The following SLC25A33 variants were observed in gnomAD, a reference collection of about 807,000 sequenced individuals.
The protein encoded by SLC25A33 is solute carrier family 25 member 33, also known as bone marrow stromal cell mitochondrial carrier protein.
A neutral mutation model predicts 35.5 loss-of-function variants in SLC25A33; 15 were observed. The ratio of observed to expected loss-of-function variants is 0.42; its 90% CI spans 0.28 to 0.65. The LOEUF (loss-of-function observed/expected upper bound fraction) is 0.65. SLC25A33 is among the 30% of genes least tolerant of loss of function. The probability of loss-of-function intolerance (pLI) is 0.20; values close to 1 mark genes in which losing one functional copy is unlikely to be tolerated. For missense variants in SLC25A33, 257 were observed against 398.5 expected (o/e 0.64, Z 3.02); for synonymous variants, 136 against 148.7 (o/e 0.91, Z 0.62).
At chr1:9,571,726 C>T (rs894483737) in intron 4 of SLC25A33, among the ~76,000 whole-genome samples, 1 of 152,094 alleles carries the variant, frequency 6.6e-6, no homozygotes, top group African/African-American at 2.4e-5. Flanking sequence ...CAACCCCCAC[C>T]TCCTGGGCTC....
At chr1:9,563,715 T>C (rs1643458988) in intron 2 of SLC25A33, among the ~76,000 whole-genome samples, 1 of 152,200 alleles carries the variant, frequency 6.6e-6, no homozygotes, top group African/African-American at 2.4e-5. Context: ...ATTAACTTTT[T>C]TTTTTTCCTT....
intron 1 of SLC25A33, among the ~76,000 whole-genome samples, chr1:9,551,005 A>G (rs1643258704): frequency 6.6e-6 from 1 of 152,062 alleles, no homozygotes; most frequent in Non-Finnish European, 1.5e-5. Context: ...AATATTCCTT[A>G]TTATAGCCTA....
chr1:9,573,926 C>T (rs1643623924), intron 5 of SLC25A33, among the ~76,000 whole-genome samples: 1 of 152,004 alleles, frequency 6.6e-6, no homozygotes, highest in African/African-American at 2.4e-5. Flanking sequence ...CTGGTGACAC[C>T]TGCAGGCCCT....
intron 4 of SLC25A33, 90 bp from the exon 5 acceptor site, chr1:9,573,256 C>A: frequency 2.2e-6 from 2 of 891,106 alleles, no homozygotes; most frequent in Admixed American, 2.8e-5. Context: ...ATTGAAATCC[C>A]TATTTCAAAG....
At chr1:9,541,250 T>A (rs1643075880) in intron 1 of SLC25A33, among the ~76,000 whole-genome samples, 1 of 151,288 alleles carries the variant, frequency 6.6e-6, no homozygotes, top group Non-Finnish European at 1.5e-5. Context: ...GCCTCCCGGG[T>A]TCACGCCATT....
intron 4 of SLC25A33, among the ~76,000 whole-genome samples, chr1:9,572,823 T>C (rs1284648877): frequency 6.7e-6 from 1 of 149,906 alleles, no homozygotes; most frequent in East Asian, 2.0e-4. Context: ...ATCCCAGCAT[T>C]GTGGGAGGCT....
chr1:9,564,369 T>C (rs1643469705), intron 2 of SLC25A33, among the ~76,000 whole-genome samples: 1 of 152,094 alleles, frequency 6.6e-6, no homozygotes, highest in South Asian at 2.1e-4. Context: ...CCTAGTGGTT[T>C]CTCAAAAAAT....
At chr1:9,548,022 G>A (rs570785888) in intron 1 of SLC25A33, among the ~76,000 whole-genome samples, 27 of 151,938 alleles carry the variant, frequency 1.8e-4, no homozygotes, top group Admixed American at 1.6e-3. Context: ...CTACAGGTGC[G>A]CACCACCACG....
chr1:9,582,484 G>A lies in SLC25A33; in HGVS notation c.949G>A (p.Glu317Lys), dbSNP rs917378356. The A allele has an allele frequency of 6.2e-7, 1 of 1,613,202 alleles. No individual in the cohort carries two copies. Residue 317 changes from glutamate to lysine, a missense_variant, in exon 7 of 7, where the codon GAA becomes AAA. Transcript: ENST00000302692. This position sits in a 1 kb window ranked among gnomAD's most constrained non-coding sequence, Gnocchi z 4.0. ...STYELIVYLL[E>K]DRTQ ...TTATGAGTTAATTGTGTACCTGTTA[G>A]AAGACCGTACTCAGTAACAGGCCGG...
intron 1 of SLC25A33, among the ~76,000 whole-genome samples, chr1:9,552,392 T>C (rs1030170731): frequency 6.6e-6 from 1 of 152,088 alleles, no homozygotes; most frequent in African/African-American, 2.4e-5. Context: ...ACCTGGCTAA[T>C]TTTTGTATTT....
intron 1 of SLC25A33, among the ~76,000 whole-genome samples, chr1:9,540,165 G>T (rs898473587): frequency 1.3e-5 from 2 of 152,184 alleles, no homozygotes; most frequent in Non-Finnish European, 2.9e-5. Context: ...CTGATGCTCG[G>T]GTGTGCCCGA....
intron 1 of SLC25A33, among the ~76,000 whole-genome samples, chr1:9,543,020 G>A (rs760281472): frequency 7.9e-5 from 12 of 152,090 alleles, no homozygotes; most frequent in Admixed American, 4.6e-4. Flanking sequence ...GTTTTGCCAC[G>A]TTGGCTAGGC....
chr1:9,553,992 G>C (rs1190305714), intron 2 of SLC25A33, among the ~76,000 whole-genome samples, 187 bp downstream of exon 2: 1 of 152,188 alleles, frequency 6.6e-6, no homozygotes, highest in East Asian at 1.9e-4. Context: ...GGGGGTCCCA[G>C]TGTACATGTG....
chr1:9,577,677 A>G (rs1292438566), intron 5 of SLC25A33, among the ~76,000 whole-genome samples: 1 of 152,028 alleles, frequency 6.6e-6, no homozygotes, highest in African/African-American at 2.4e-5. Flanking sequence ...AGGGCAGTGG[A>G]AAGTCATCAG....
chr1:9,545,861 G>T (rs937120703), intron 1 of SLC25A33, among the ~76,000 whole-genome samples: 1 of 151,682 alleles, frequency 6.6e-6, no homozygotes, highest in Non-Finnish European at 1.5e-5. Flanking sequence ...TACTTGGGAG[G>T]CTGAGGCATG....
In SLC25A33 at chr1:9,582,078, C is replaced by G. The variant is rs1643753521; in HGVS notation, c.764-221C>G. ...AGTAGGCGTGCACCACCTTGCCTGG[C>G]TAATTTTTGTTTTTCAGTAGAGACG... On this transcript the variant is annotated intron_variant, in intron 6 of 6. Transcript: ENST00000302692. The surrounding 1 kb of genome is among the most constrained non-coding windows in gnomAD (Gnocchi z 4.0). Among the ~76,000 whole-genome samples, 1 of 152,068 alleles carries G rather than the reference C, an allele frequency of 6.6e-6. No individual in the cohort carries two copies. Among genetic ancestry groups the G allele is most frequent in the African/African-American group, 2.4e-5 (1 of 41,408 alleles).
At chr1:9,556,836 A>G (rs1643351523) in intron 2 of SLC25A33, among the ~76,000 whole-genome samples, 1 of 152,180 alleles carries the variant, frequency 6.6e-6, no homozygotes, top group Admixed American at 6.6e-5. Flanking sequence ...CACACAAAAG[A>G]CAAACTATTT....
In SLC25A33 at chr1:9,556,551, A is replaced by G. The variant is rs374869024; in HGVS notation, c.236+2746A>G. On this transcript the variant is annotated intron_variant, in intron 2 of 6. Transcript: ENST00000302692. ...CAGTCCAGAAATACAAAATGCTCCA[A>G]TGGGCATTTCTTTCAGCATCATGTT... 3.3e-5 allele frequency among the ~76,000 whole-genome samples: 5 copies of G among 152,156 alleles called. No homozygotes were observed. In the South Asian group the frequency reaches 8.3e-4, roughly 25 times the overall value.
intron 2 of SLC25A33, among the ~76,000 whole-genome samples, chr1:9,565,503 G>A (rs1030874233): frequency 3.3e-5 from 5 of 151,000 alleles, no homozygotes; most frequent in Non-Finnish European, 5.9e-5. Flanking sequence ...GCAACAGAGC[G>A]AGACTCTGTC....
Sources: gnomAD v4.1 joint callset for allele counts (sites outside exome capture counted in the v4.1 genomes callset) on GRCh38, gnomAD v4.1.1 for gene constraint, Gnocchi (gnomAD v3.1) non-coding constraint, MANE v1.5 for transcripts, NCBI Gene and HGNC (gene_info 2026-07-23, HGNC 2026-07-21) for gene names.